RBM6: variants seen among roughly 807,000 people sequenced by gnomAD.
The protein encoded by RBM6 is RNA-binding protein 6.
RBM6 carries 23 observed loss-of-function variants against 140.4 expected under a neutral mutation model. The ratio of observed to expected loss-of-function variants is 0.16; its 90% CI spans 0.12 to 0.23. The LOEUF is 0.23. RBM6 is among the 10% of genes least tolerant of loss of function. The probability of loss-of-function intolerance (pLI) is 1.00; values close to 1 mark genes in which losing one functional copy is unlikely to be tolerated. For synonymous variants in RBM6, 439 were observed against 475.6 expected, an observed-to-expected ratio of 0.92 and a Z score of 1.00; for missense variants, 1,139 against 1,386.7, an observed-to-expected ratio of 0.82 and a Z score of 2.84.
intron 2 of RBM6, among the ~76,000 whole-genome samples, chr3:49,963,451 C>A (rs2084373316): frequency 6.6e-6 from 1 of 152,030 alleles, no homozygotes; most frequent in African/African-American, 2.4e-5. Context: ...TTCTTTTTGT[C>A]TCTTAGCGAA....
chr3:49,993,890 C>T (rs753977234), intron 5 of RBM6, among the ~76,000 whole-genome samples: 33 of 151,780 alleles, frequency 2.2e-4, no homozygotes, highest in Admixed American at 5.3e-4. Flanking sequence ...TGCAGTGGGC[C>T]GAGATAGTGC....
intron 5 of RBM6, among the ~76,000 whole-genome samples, chr3:49,987,557 T>C (rs1392997507): frequency 2.0e-5 from 3 of 152,014 alleles, no homozygotes; most frequent in African/African-American, 7.2e-5. Context: ...CCTCAAGTGA[T>C]CCGCCCACCT....
At chr3:50,022,434 G>A (rs1475681379) in intron 6 of RBM6, among the ~76,000 whole-genome samples, 1 of 151,778 alleles carries the variant, frequency 6.6e-6, no homozygotes, top group East Asian at 1.9e-4. Flanking sequence ...GGGTTCAAGT[G>A]ATTCTCCTGC....
intron 6 of RBM6, among the ~76,000 whole-genome samples, chr3:50,020,222 G>A (rs1443598879): frequency 1.3e-5 from 2 of 152,198 alleles, no homozygotes; most frequent in African/African-American, 4.8e-5. Flanking sequence ...ACTATGCCCA[G>A]CCTCATTTTT....
At position 50,057,835 on chromosome 3, in the gene RBM6, G is replaced by A. The variant is rs764055695; in HGVS notation, c.1801G>A (p.Glu601Lys). 1.2e-6 allele frequency: 2 copies of A among 1,613,910 alleles called. No individual in the cohort carries two copies. The highest frequency in any genetic ancestry group is 1.7e-5 in the Admixed American group (1 of 59,978). Residue 601 changes from glutamate (E) to lysine (K), a missense_variant, in exon 9 of 21, where the codon GAA becomes AAA. Around this residue, in one of 9 missense-constraint regions of RBM6, gnomAD observed 109 missense variants for 101.9 expected, o/e 1.07. Coordinates refer to ENST00000266022, the MANE Select transcript of RBM6 (RefSeq NM_005777.3). ...PNQPLRPADK[E>K]PEPRKREEGQ... ...CCAGCCCCTAAGACCAGCTGATAAG[G>A]AACCTGAACCCAGGAAGAGGGAAGA...
At position 49,968,714 on chromosome 3, in the gene RBM6, G is replaced by T; in HGVS notation, c.1289G>T (p.Gly430Val). 1.2e-6 allele frequency: 2 copies of T among 1,608,388 alleles called. No individual in the cohort carries two copies. The highest frequency in any genetic ancestry group is 1.7e-6 in the Non-Finnish European group (2 of 1,177,154). The change falls in exon 3 of 21, where the codon GGC (glycine) becomes GTC (valine). Residue 430 changes from glycine (G) to valine (V), a missense_variant. By Grantham distance (109) the Gly-to-Val change is moderately radical (BLOSUM62 -3). Around this residue, in one of 9 missense-constraint regions of RBM6, gnomAD observed 566 missense variants for 612.7 expected, o/e 0.92. Transcript: ENST00000266022. Reference sequence around the variant, plus strand: ...GGCCAGAGCAAGTCTTTTCCAGAGGGCAAAACTGCCCGAGATGCCCAACGG... The same window carrying T: ...GGCCAGAGCAAGTCTTTTCCAGAGGTCAAAACTGCCCGAGATGCCCAACGG... ...GYGQSKSFPE[G>V]KTARDAQRDL...
chr3:49,967,153 C>T lies in RBM6; in HGVS notation c.45-317C>T. 1.0e-6 allele frequency: 1 copy of T among 990,932 alleles called. No individual in the cohort carries two copies. Among genetic ancestry groups the T allele is most frequent in the Non-Finnish European group, 1.2e-6 (1 of 808,678 alleles). The allele number at this position is 990,932 out of a possible 1,614,324, so 61.4% of individuals were successfully genotyped here. A position where few individuals can be genotyped will look rare whatever the true frequency, so the allele number is the denominator to read the frequency against. ...GGAAATGGAAATTTTTGTAGTATGT[C>T]ACCATTGTTAGCTTATTTGGTATTG... On this transcript the variant is annotated intron_variant, in intron 2 of 20. Transcript: ENST00000266022. This position sits in a 1 kb window ranked among gnomAD's most constrained non-coding sequence, Gnocchi z 4.0.
At chr3:50,001,812 G>A (rs546334624) in intron 6 of RBM6, among the ~76,000 whole-genome samples, 2 of 152,266 alleles carry the variant, frequency 1.3e-5, no homozygotes, top group East Asian at 1.9e-4. Context: ...TGATTAAGTC[G>A]TTCGCCTCTG....
chr3:50,007,701 T>G (rs1228454609), intron 6 of RBM6, among the ~76,000 whole-genome samples: 1 of 151,640 alleles, frequency 6.6e-6, no homozygotes, highest in Non-Finnish European at 1.5e-5. Context: ...CCCGGCTAAT[T>G]TTTTTGTATT....
At chr3:50,011,917 C>T (rs2108769349) in intron 6 of RBM6, among the ~76,000 whole-genome samples, 1 of 151,036 alleles carries the variant, frequency 6.6e-6, no homozygotes, top group South Asian at 2.1e-4. Context: ...AGTGGCATGA[C>T]CATGGCTCAC....
intron 3 of RBM6, 21 bp downstream of exon 3, chr3:49,968,769 G>C: frequency 1.9e-6 from 1 of 537,138 alleles, no homozygotes; most frequent in Non-Finnish European, 2.6e-6. Context: ...GGGGTGGATT[G>C]CTTTTTTTTT....
intron 18 of RBM6, among the ~76,000 whole-genome samples, chr3:50,069,437 G>A (rs909061652): frequency 6.6e-6 from 1 of 151,738 alleles, no homozygotes; most frequent in African/African-American, 2.4e-5. Context: ...TGAGCTGGGA[G>A]GCAGAGGTTG....
At chr3:49,981,684 T>G (rs1035363595) in intron 5 of RBM6, 3 of 152,306 alleles carry the variant, frequency 2.0e-5, no homozygotes, top group Admixed American at 6.5e-5. Flanking sequence ...ATCTTATGAC[T>G]TTAGTTATAT....
chr3:49,993,122 G>A (rs1221332519), intron 5 of RBM6, among the ~76,000 whole-genome samples: 3 of 152,104 alleles, frequency 2.0e-5, no homozygotes, highest in Admixed American at 6.5e-5. Flanking sequence ...GGGCAAAGAC[G>A]TTGCTCTTCA....
intron 5 of RBM6, among the ~76,000 whole-genome samples, chr3:49,993,941 T>G (rs1361697431): frequency 6.6e-6 from 1 of 152,180 alleles, no homozygotes; most frequent in Non-Finnish European, 1.5e-5. Context: ...AAACTCCATC[T>G]CAAATAAAAA....
At chr3:50,064,122 G>A (rs981402678) in intron 15 of RBM6, among the ~76,000 whole-genome samples, 1 of 151,826 alleles carries the variant, frequency 6.6e-6, no homozygotes, top group Non-Finnish European at 1.5e-5. Flanking sequence ...TAGTAGAGAC[G>A]CGGTTTCACC....
intron 6 of RBM6, among the ~76,000 whole-genome samples, chr3:50,043,881 C>CTT (rs35383235): frequency 2.8e-4 from 38 of 134,234 alleles, no homozygotes; most frequent in African/African-American, 3.4e-4. Context: ...CGTGCCCAGC[C>CTT]TTTTTTTTTT....
In RBM6 at chr3:49,978,842, A is replaced by C. The variant is rs571494936; in HGVS notation, c.1483+3450A>C. ...GACCTATATATGTTGTGTATATTTG[A>C]ATTTTTCATTTGCCATTTACAAATA... On this transcript the variant is annotated intron_variant, in intron 5 of 20. Coordinates refer to ENST00000266022, the MANE Select transcript of RBM6 (RefSeq NM_005777.3). Among the ~76,000 whole-genome samples, 4 of 152,296 alleles carry C rather than the reference A, an allele frequency of 2.6e-5. No homozygotes were observed. In the South Asian group the frequency reaches 8.3e-4, roughly 32 times the overall value.
chr3:50,018,111 A>G (rs1575705662), intron 6 of RBM6, among the ~76,000 whole-genome samples: 1 of 152,158 alleles, frequency 6.6e-6, no homozygotes, highest in Admixed American at 6.6e-5. Flanking sequence ...TGTATGTCAT[A>G]TATCCACCAT....
Sources: allele counts gnomAD v4.1 joint callset (sites outside exome capture counted in the v4.1 genomes callset), GRCh38; gene constraint gnomAD v4.1.1; regional missense constraint gnomAD v4.1.1; non-coding constraint Gnocchi (gnomAD v3.1); transcripts MANE v1.5; gene names NCBI Gene and HGNC (gene_info 2026-07-23, HGNC 2026-07-21).